Variants in LIN7A observed in about 807,000 individuals in gnomAD.
LIN7A encodes lin-7 cell polarity scaffold A.
Under a neutral mutation model 29.8 loss-of-function variants are expected in LIN7A, and 25 were observed. The observed-to-expected ratio is 0.84, with a 90% confidence interval of 0.61 to 1.17. LIN7A has a LOEUF of 1.17. Among genes scored for constraint, LIN7A ranks in the 50% most tolerant of loss-of-function variants. The probability of loss-of-function intolerance (pLI) is 0.00; values close to 1 mark genes in which losing one functional copy is unlikely to be tolerated. For synonymous variants in LIN7A, 118 were observed against 107.5 expected (o/e 1.10, Z -0.60); for missense variants, 239 against 287.0 (o/e 0.83, Z 1.21).
In LIN7A at chr12:80,829,955, C is replaced by T. The variant is rs184030686; in HGVS notation, c.483+15775G>A. Among the ~76,000 whole-genome samples, 293 of 152,304 alleles carry T rather than the reference C, an allele frequency of 1.9e-3. 3 individuals are homozygous for T. Among genetic ancestry groups the T allele is most frequent in the African/African-American group, 6.6e-3 (274 of 41,574 alleles). On this transcript the variant is annotated intron_variant, in intron 4 of 5. Transcript: ENST00000552864. ...TAGTAATCATTCCAAAATGCACTCT[C>T]GTGCTTAAAATAATTACATGTGCCT...
intron 4 of LIN7A, among the ~76,000 whole-genome samples, chr12:80,829,419 A>C (rs1872236920): frequency 6.6e-6 from 1 of 152,120 alleles, no homozygotes; most frequent in African/African-American, 2.4e-5. Context: ...ATTTCCTCTC[A>C]GTTGTTTATT....
chr12:80,803,936 T>C (rs968875004), intron 5 of LIN7A, among the ~76,000 whole-genome samples: 1 of 152,160 alleles, frequency 6.6e-6, no homozygotes, highest in African/African-American at 2.4e-5. Context: ...AGGGTGGCAA[T>C]ATGAATAAGA....
At chr12:80,880,489 A>G (rs985011100) in intron 2 of LIN7A, among the ~76,000 whole-genome samples, 1 of 152,144 alleles carries the variant, frequency 6.6e-6, no homozygotes, top group Admixed American at 6.5e-5. Context: ...GAAACTCTAG[A>G]TTTCTGGCTA....
intron 5 of LIN7A, among the ~76,000 whole-genome samples, chr12:80,802,614 T>C (rs970699776): frequency 9.9e-5 from 15 of 152,142 alleles, no homozygotes; most frequent in Non-Finnish European, 2.2e-4. Context: ...TCTTACTCCA[T>C]ACGTTTGCAA....
At chr12:80,929,113 G>A (rs759725345) in intron 1 of LIN7A, among the ~76,000 whole-genome samples, 1 of 152,012 alleles carries the variant, frequency 6.6e-6, no homozygotes, top group Non-Finnish European at 1.5e-5. Flanking sequence ...AAAAGTAATT[G>A]CAGTCTTTGA....
chr12:80,916,030 A>C (rs1877014644), intron 1 of LIN7A, among the ~76,000 whole-genome samples: 1 of 152,168 alleles, frequency 6.6e-6, no homozygotes, highest in African/African-American at 2.4e-5. Flanking sequence ...ATTCTAAAAT[A>C]AAATTTGAGG....
chr12:80,920,447 T>C (rs1037463573), intron 1 of LIN7A, among the ~76,000 whole-genome samples: 3 of 152,102 alleles, frequency 2.0e-5, no homozygotes, highest in Admixed American at 2.0e-4. Context: ...CAATGGGAAG[T>C]ATATTGTTGG....
chr12:80,805,533 G>A (rs913232635), intron 5 of LIN7A, among the ~76,000 whole-genome samples: 1 of 152,078 alleles, frequency 6.6e-6, no homozygotes, highest in East Asian at 1.9e-4. Flanking sequence ...AGCCATGGAG[G>A]TCAGGGACAC....
chr12:80,897,187 C>T (rs1875950015), intron 1 of LIN7A, among the ~76,000 whole-genome samples: 1 of 151,664 alleles, frequency 6.6e-6, no homozygotes, highest in East Asian at 1.9e-4. Flanking sequence ...GCCTTCCTTT[C>T]TGTTTCAGCT....
At chr12:80,885,619 T>C (rs549311534) in intron 2 of LIN7A, among the ~76,000 whole-genome samples, 73 of 152,234 alleles carry the variant, frequency 4.8e-4, no homozygotes, top group African/African-American at 1.7e-3. Context: ...TGCATTCAAG[T>C]GTAAGTTATT....
intron 1 of LIN7A, chr12:80,935,968 A>AG: frequency 4.5e-6 from 1 of 222,732 alleles, no homozygotes; most frequent in South Asian, 5.1e-5. Context: ...AAAATGACCC[A>AG]GGTATGCAAT....
At chr12:80,800,945 A>C (rs1257426170) in intron 5 of LIN7A, among the ~76,000 whole-genome samples, 1 of 152,172 alleles carries the variant, frequency 6.6e-6, no homozygotes, top group Non-Finnish European at 1.5e-5. Context: ...TATACCTAGA[A>C]ATTAAAACTT....
At chr12:80,865,923 C>T (rs1199590287) in intron 2 of LIN7A, among the ~76,000 whole-genome samples, 1 of 152,092 alleles carries the variant, frequency 6.6e-6, no homozygotes, top group Non-Finnish European at 1.5e-5. Context: ...CACTATGGGC[C>T]ATTTCTTAGT....
In LIN7A at chr12:80,837,095, A is replaced by G. The variant is rs540795684; in HGVS notation, c.483+8635T>C. Among the ~76,000 whole-genome samples, 92 of 152,314 alleles carry G rather than the reference A, an allele frequency of 6.0e-4. 3 individuals are homozygous for G. The South Asian group carries it at 0.018, about 31-fold the overall frequency. On this transcript the variant is annotated intron_variant, in intron 4 of 5. Transcript: ENST00000552864. ...AACTTGCATTGTCAGAACTAGGAGT[A>G]GAGTGGAAAATATTCAGTGTGTGCT...
chr12:80,821,688 G>A (rs1462396781), intron 4 of LIN7A, among the ~76,000 whole-genome samples: 2 of 152,230 alleles, frequency 1.3e-5, no homozygotes, highest in African/African-American at 4.8e-5. Context: ...GCCAGTGGGA[G>A]CCAGCAACAG....
chr12:80,899,686 T>C (rs149545132), intron 1 of LIN7A, among the ~76,000 whole-genome samples: 23 of 152,142 alleles, frequency 1.5e-4, no homozygotes, highest in Admixed American at 4.6e-4. Flanking sequence ...TGTTCTGGGA[T>C]TCAGTTTCTT....
rs748276053 is a variant in LIN7A at position 80,811,495 on chromosome 12, CTGCTGCTGCTGT to C, written c.660_671del (p.Gln223_Gln226del). ...ACATGTGGTTTTGTTGTGTTTGTTG[CTGCTGCTGCTGT>C]TGCTGCTGCTGAATTAGCAATTGCT... On this transcript the variant is annotated inframe_deletion, in exon 5 of 6. Transcript: ENST00000552864. 7 of 1,495,190 alleles carry C rather than the reference CTGCTGCTGCTGT, an allele frequency of 4.7e-6. No individual in the cohort carries two copies. In the Admixed American group the frequency reaches 9.1e-5, roughly 19 times the overall value. The allele number at this position is 1,495,190 out of a possible 1,614,324, so 92.6% of individuals were successfully genotyped here. A position where few individuals can be genotyped will look rare whatever the true frequency, so the allele number is the denominator to read the frequency against.
intron 2 of LIN7A, among the ~76,000 whole-genome samples, chr12:80,854,223 A>G (rs574422023): frequency 2.2e-3 from 331 of 152,282 alleles, no homozygotes; most frequent in African/African-American, 7.6e-3. Context: ...AATAGCCTTC[A>G]GGTGTGAATG....
chr12:80,867,144 G>A (rs768959856), intron 2 of LIN7A, among the ~76,000 whole-genome samples: 29 of 152,066 alleles, frequency 1.9e-4, no homozygotes, highest in Non-Finnish European at 4.0e-4. Context: ...TAGAGACAGG[G>A]TCTTGCCATG....
Sources: gnomAD v4.1 joint callset for allele counts (sites outside exome capture counted in the v4.1 genomes callset) on GRCh38, gnomAD v4.1.1 for gene constraint, MANE v1.5 for transcripts, NCBI Gene and HGNC (gene_info 2026-07-23, HGNC 2026-07-21) for gene names.